Variants in PLXDC2 observed in about 807,000 individuals in gnomAD.
PLXDC2 encodes plexin domain containing 2.
In PLXDC2, 40 loss-of-function variants were observed where a neutral mutation model predicts 68.9. The ratio of observed to expected loss-of-function variants is 0.58; its 90% CI spans 0.45 to 0.76. The LOEUF (loss-of-function observed/expected upper bound fraction) is 0.76. Among genes scored for constraint, PLXDC2 ranks in the 30% least tolerant of loss-of-function variants. PLXDC2 has a pLI of 0.00. For missense variants in PLXDC2, 644 were observed against 661.9 expected, an observed-to-expected ratio of 0.97 and a Z score of 0.30; for synonymous variants, 243 against 234.2, an observed-to-expected ratio of 1.04 and a Z score of -0.34.
intron 4 of PLXDC2, among the ~76,000 whole-genome samples, chr10:20,111,024 A>G (rs1364735723): frequency 6.6e-6 from 1 of 152,134 alleles, no homozygotes; most frequent in Non-Finnish European, 1.5e-5. Context: ...ACCAAACAAA[A>G]ATAGTGTCTT....
At chr10:20,130,702 A>T (rs1833856296) in intron 4 of PLXDC2, among the ~76,000 whole-genome samples, 1 of 152,116 alleles carries the variant, frequency 6.6e-6, no homozygotes, top group Admixed American at 6.5e-5. Flanking sequence ...TTATCATGAA[A>T]GGATGTTAAA....
chr10:19,918,496 C>T (rs1003741235), intron 1 of PLXDC2, among the ~76,000 whole-genome samples: 9 of 152,170 alleles, frequency 5.9e-5, no homozygotes, highest in African/African-American at 1.9e-4. Flanking sequence ...ATGAGCTGAC[C>T]GATCTTTTCT....
intron 13 of PLXDC2, among the ~76,000 whole-genome samples, chr10:20,253,350 G>T (rs1486452496): frequency 2.0e-5 from 3 of 148,526 alleles, no homozygotes; most frequent in Non-Finnish European, 4.5e-5. Context: ...GAGCAACAGA[G>T]TGAGATTCTG....
intron 3 of PLXDC2, among the ~76,000 whole-genome samples, chr10:20,048,742 C>T (rs1835840541): frequency 6.6e-6 from 1 of 152,066 alleles, no homozygotes; most frequent in Non-Finnish European, 1.5e-5. Flanking sequence ...CCATCTGTCT[C>T]CTCTGTGCCG....
At chr10:20,113,136 A>C (rs2131750338) in intron 4 of PLXDC2, among the ~76,000 whole-genome samples, 1 of 152,270 alleles carries the variant, frequency 6.6e-6, no homozygotes, top group East Asian at 1.9e-4. Context: ...CAGACTTTTC[A>C]CTTCAAAGTG....
intron 1 of PLXDC2, among the ~76,000 whole-genome samples, chr10:19,997,444 T>C (rs1834861607): frequency 6.6e-6 from 1 of 152,222 alleles, no homozygotes; most frequent in African/African-American, 2.4e-5. Context: ...TCAAAGTGTT[T>C]GTCATAAGGT....
At chr10:20,110,867 CTG>C (rs1833552099) in intron 4 of PLXDC2, among the ~76,000 whole-genome samples, 3 of 152,184 alleles carry the variant, frequency 2.0e-5, no homozygotes, top group African/African-American at 7.2e-5. Flanking sequence ...CACACAGACT[CTG>C]TTTGAGCCAT....
At chr10:20,017,121 G>T (rs1284118061) in intron 2 of PLXDC2, among the ~76,000 whole-genome samples, 4 of 152,206 alleles carry the variant, frequency 2.6e-5, no homozygotes, top group Non-Finnish European at 5.9e-5. Context: ...AGAGAAACGA[G>T]AAGCACCTTA....
At chr10:19,857,510 A>G (rs1255525593) in intron 1 of PLXDC2, among the ~76,000 whole-genome samples, 1 of 152,348 alleles carries the variant, frequency 6.6e-6, no homozygotes, top group Non-Finnish European at 1.5e-5. Flanking sequence ...CTTCTCATCA[A>G]TTTAGAAGAT....
At chr10:20,111,063 A>G (rs1416051082) in intron 4 of PLXDC2, among the ~76,000 whole-genome samples, 2 of 152,224 alleles carry the variant, frequency 1.3e-5, no homozygotes, top group African/African-American at 4.8e-5. Flanking sequence ...GTTATACAAC[A>G]GAAATCAGCC....
intron 12 of PLXDC2, among the ~76,000 whole-genome samples, chr10:20,242,116 G>A (rs548038639): frequency 2.6e-5 from 4 of 152,174 alleles, no homozygotes; most frequent in African/African-American, 9.6e-5. Context: ...TTTCCCTAAA[G>A]CCACATTTTC....
chr10:20,126,877 TA>T (rs1833799441), intron 4 of PLXDC2, among the ~76,000 whole-genome samples: 1 of 147,864 alleles, frequency 6.8e-6, no homozygotes, highest in Admixed American at 6.8e-5. Flanking sequence ...ATATATAATA[TA>T]TGATATATAC....
chr10:19,860,717 G>A lies in PLXDC2; in HGVS notation c.112+43526G>A, dbSNP rs561680011. ...ACCAGATCCTCACTAAATATGTGTT[G>A]AATGTACTGTTTATGGATCTTTCCA... On this transcript the variant is annotated intron_variant, in intron 1 of 13. Coordinates refer to ENST00000377252, the MANE Select transcript of PLXDC2 (RefSeq NM_032812.9). Among the ~76,000 whole-genome samples, 9 of 152,260 alleles carry A rather than the reference G, an allele frequency of 5.9e-5. No homozygotes were observed. In the East Asian group the frequency reaches 1.7e-3, roughly 29 times the overall value.
intron 9 of PLXDC2, among the ~76,000 whole-genome samples, chr10:20,189,879 C>A (rs957674112): frequency 6.6e-6 from 1 of 151,538 alleles, no homozygotes; most frequent in Non-Finnish European, 1.5e-5. Flanking sequence ...TAATGAGGGA[C>A]GTGGATAAAG....
chr10:20,027,954 CT>C (rs1276292925), intron 2 of PLXDC2, among the ~76,000 whole-genome samples: 3 of 152,194 alleles, frequency 2.0e-5, no homozygotes, highest in Non-Finnish European at 4.4e-5. Flanking sequence ...TTTCCCTACA[CT>C]TTTCTGGAAC....
intron 1 of PLXDC2, among the ~76,000 whole-genome samples, chr10:19,979,563 G>A (rs1834515929): frequency 6.6e-6 from 1 of 151,868 alleles, no homozygotes; most frequent in South Asian, 2.1e-4. Flanking sequence ...GCCAAGGTGG[G>A]GTTTTGCCAT....
chr10:20,015,169 G>A (rs1291046702), intron 2 of PLXDC2, among the ~76,000 whole-genome samples: 2 of 152,158 alleles, frequency 1.3e-5, no homozygotes, highest in Non-Finnish European at 2.9e-5. Context: ...TCTGCTCAAT[G>A]GCCACCTTAT....
chr10:20,207,038 A>G (rs1835003305), intron 9 of PLXDC2, among the ~76,000 whole-genome samples: 1 of 152,094 alleles, frequency 6.6e-6, no homozygotes, highest in African/African-American at 2.4e-5. Flanking sequence ...TTTCGATGCC[A>G]TTTAGATTAC....
At chr10:20,008,258 TA>T (rs1242191982) in intron 2 of PLXDC2, among the ~76,000 whole-genome samples, 1 of 152,034 alleles carries the variant, frequency 6.6e-6, no homozygotes, top group Admixed American at 6.6e-5. Context: ...ATACTTAATC[TA>T]AAAAAAGAAT....
Sources: gnomAD v4.1 joint callset for allele counts (sites outside exome capture counted in the v4.1 genomes callset) on GRCh38, gnomAD v4.1.1 for gene constraint, MANE v1.5 for transcripts, NCBI Gene and HGNC (gene_info 2026-07-23, HGNC 2026-07-21) for gene names.